The following SEMA6D variants were observed in gnomAD, a reference collection of about 807,000 sequenced individuals.
SEMA6D encodes semaphorin-6D.
In SEMA6D, 35 loss-of-function variants were observed where a neutral mutation model predicts 106.6. That is an observed-to-expected ratio of 0.33 (90% CI 0.25 to 0.44). The LOEUF (loss-of-function observed/expected upper bound fraction) is 0.44, where lower values mean the gene tolerates loss of function less well. Ranked by LOEUF, SEMA6D falls within the 20% of genes least tolerant of loss-of-function variation. The pLI is 1.00. For missense variants in SEMA6D, 1,185 were observed against 1,345.9 expected (o/e 0.88, Z 1.87); for synonymous variants, 499 against 487.7 (o/e 1.02, Z -0.31).
At chr15:47,661,519 C>G (rs1202491469) in intron 4 of SEMA6D, among the ~76,000 whole-genome samples, 1 of 152,192 alleles carries the variant, frequency 6.6e-6, no homozygotes, top group African/African-American at 2.4e-5. Flanking sequence ...CTGGCTTCTC[C>G]CATTCTCTCC....
At chr15:47,315,374 T>A (rs1055386595) in intron 1 of SEMA6D, among the ~76,000 whole-genome samples, 1 of 152,206 alleles carries the variant, frequency 6.6e-6, no homozygotes, top group African/African-American at 2.4e-5. Flanking sequence ...CTGTATTGCC[T>A]TTGCTCTTTT....
intron 13 of SEMA6D, chr15:47,765,524 A>C (rs1262185546): frequency 3.5e-6 from 3 of 858,784 alleles, no homozygotes; most frequent in Non-Finnish European, 4.3e-6. Flanking sequence ...AATGGAGCCA[A>C]GGGGACTAAG....
At chr15:47,467,530 A>T (rs1298449900) in intron 2 of SEMA6D, among the ~76,000 whole-genome samples, 3 of 152,158 alleles carry the variant, frequency 2.0e-5, no homozygotes, top group Admixed American at 6.5e-5. Context: ...CTGGAAACTA[A>T]CTACTGGAAA....
At position 47,439,346 on chromosome 15, in the gene SEMA6D, G is replaced by A. The variant is rs532306005; in HGVS notation, c.-159+26874G>A. On this transcript the variant is annotated intron_variant, in intron 2 of 19. Transcript: ENST00000558014. ...TATAAACTCAATACTTACAGTCTCC[G>A]TATTTATACAGATCAGGCCCTTAGA... is the stretch of plus-strand genomic sequence containing the variant. 7.2e-5 allele frequency among the ~76,000 whole-genome samples: 11 copies of A among 152,180 alleles called. No individual in the cohort carries two copies. In the East Asian group the frequency reaches 1.6e-3, roughly 21 times the overall value.
rs979632 is a variant in SEMA6D at position 47,423,882 on chromosome 15, A to C, written c.-159+11410A>C. Among the ~76,000 whole-genome samples the C allele has an allele frequency of 9.1e-3, 1,385 of 151,864 alleles. 27 individuals are homozygous for C. Among genetic ancestry groups the C allele is most frequent in the African/African-American group, 0.031 (1,280 of 41,438 alleles). Reference sequence around the variant, plus strand: ...TGTTTCCAAGTGCTTTTCTTGCTCAAAGTACTAAATAATACTAAAATCATT... The same window carrying C: ...TGTTTCCAAGTGCTTTTCTTGCTCACAGTACTAAATAATACTAAAATCATT... On this transcript the variant is annotated intron_variant, in intron 2 of 19. Transcript: ENST00000558014.
At chr15:47,732,601 G>A (rs930935959) in intron 1 of SEMA6D, among the ~76,000 whole-genome samples, 8 of 152,154 alleles carry the variant, frequency 5.3e-5, no homozygotes, top group African/African-American at 1.9e-4. Flanking sequence ...TCACCATTTT[G>A]TTATAGAGAA....
At chr15:47,247,609 T>C (rs2033277046) in intron 1 of SEMA6D, among the ~76,000 whole-genome samples, 1 of 152,230 alleles carries the variant, frequency 6.6e-6, no homozygotes, top group South Asian at 2.1e-4. Flanking sequence ...AACATACTCC[T>C]ATTTGTTTTC....
intron 4 of SEMA6D, among the ~76,000 whole-genome samples, chr15:47,680,841 C>T (rs2078337697): frequency 6.6e-6 from 1 of 152,202 alleles, no homozygotes; most frequent in Admixed American, 6.5e-5. Context: ...TAGAAAGATT[C>T]TCAACATCAC....
intron 1 of SEMA6D, among the ~76,000 whole-genome samples, chr15:47,213,357 A>G (rs751910520): frequency 5.3e-5 from 8 of 152,198 alleles, no homozygotes; most frequent in Non-Finnish European, 1.0e-4. Context: ...ATTAATCATA[A>G]CCTAAATTGA....
chr15:47,511,015 A>G (rs2044212672), intron 3 of SEMA6D, among the ~76,000 whole-genome samples: 1 of 152,256 alleles, frequency 6.6e-6, no homozygotes, highest in African/African-American at 2.4e-5. Context: ...TGGGTGTATA[A>G]TAGGTATTCA....
At chr15:47,369,808 A>G (rs923235926) in intron 1 of SEMA6D, among the ~76,000 whole-genome samples, 4 of 152,242 alleles carry the variant, frequency 2.6e-5, no homozygotes, top group African/African-American at 9.6e-5. Flanking sequence ...ATGAGCAGTA[A>G]GCAGTCACAT....
chr15:47,740,286 T>C (rs1234553755), intron 1 of SEMA6D, among the ~76,000 whole-genome samples: 2 of 152,136 alleles, frequency 1.3e-5, no homozygotes, highest in African/African-American at 4.8e-5. Flanking sequence ...TTTGGGAGGC[T>C]GAGGTGGGCA....
At chr15:47,539,213 G>C (rs1349152205) in intron 3 of SEMA6D, among the ~76,000 whole-genome samples, 1 of 151,986 alleles carries the variant, frequency 6.6e-6, no homozygotes, top group African/African-American at 2.4e-5. Flanking sequence ...TCATCACCTG[G>C]TACTGCCACT....
chr15:47,374,021 A>G (rs1033203217), intron 1 of SEMA6D, among the ~76,000 whole-genome samples: 1 of 152,216 alleles, frequency 6.6e-6, no homozygotes, highest in Non-Finnish European at 1.5e-5. Flanking sequence ...AGATGTCCAG[A>G]TTAGCTGGCA....
chr15:47,199,680 A>G (rs1894592103), intron 1 of SEMA6D, among the ~76,000 whole-genome samples: 2 of 152,092 alleles, frequency 1.3e-5, no homozygotes, highest in African/African-American at 4.8e-5. Flanking sequence ...TCCATGATAA[A>G]ACACTCCTCA....
chr15:47,206,812 C>A (rs1247693460), intron 1 of SEMA6D, among the ~76,000 whole-genome samples: 1 of 152,060 alleles, frequency 6.6e-6, no homozygotes, highest in Non-Finnish European at 1.5e-5. Flanking sequence ...CAGCCCTCTC[C>A]CCACCATCCA....
At chr15:47,250,583 A>G (rs188066083) in intron 1 of SEMA6D, among the ~76,000 whole-genome samples, 2 of 152,314 alleles carry the variant, frequency 1.3e-5, no homozygotes, top group East Asian at 3.9e-4. Context: ...AAACATTTGG[A>G]AATTGTATAA....
intron 17 of SEMA6D, among the ~76,000 whole-genome samples, chr15:47,768,327 A>G (rs2082453370): frequency 6.6e-6 from 1 of 152,176 alleles, no homozygotes. Flanking sequence ...TAGTAACCAC[A>G]GGGGCTTTCC....
intron 1 of SEMA6D, among the ~76,000 whole-genome samples, chr15:47,390,269 A>G (rs1374256120): frequency 6.6e-6 from 1 of 152,102 alleles, no homozygotes; most frequent in Non-Finnish European, 1.5e-5. Flanking sequence ...GTAACACAAG[A>G]GCAATAGAGT....
Sources: allele counts gnomAD v4.1 joint callset (sites outside exome capture counted in the v4.1 genomes callset), GRCh38; gene constraint gnomAD v4.1.1; transcripts MANE v1.5; gene names NCBI Gene and HGNC (gene_info 2026-07-23, HGNC 2026-07-21).